DGKI: variants seen among roughly 807,000 people sequenced by gnomAD.
The protein encoded by DGKI is diacylglycerol kinase iota, also known as DAG kinase iota.
A neutral mutation model predicts 147.5 loss-of-function variants in DGKI; 55 were observed. The observed-to-expected ratio is 0.37, with a 90% confidence interval of 0.30 to 0.47. The LOEUF is 0.47. Among genes scored for constraint, DGKI ranks in the 20% least tolerant of loss-of-function variants. The pLI is 1.00. For missense variants in DGKI, 1,007 were observed against 1,323.8 expected, an observed-to-expected ratio of 0.76 and a Z score of 3.71; for synonymous variants, 469 against 477.1, an observed-to-expected ratio of 0.98 and a Z score of 0.22.
chr7:137,666,637 A>G (rs567753864), intron 3 of DGKI, among the ~76,000 whole-genome samples: 2 of 152,310 alleles, frequency 1.3e-5, no homozygotes, highest in South Asian at 4.1e-4. Context: ...GTCTAATCAA[A>G]TGATACTAAC....
chr7:137,466,859 T>C (rs1237377409), intron 25 of DGKI, 43 bp downstream of exon 25: 2 of 1,603,124 alleles, frequency 1.2e-6, no homozygotes, highest in Non-Finnish European at 1.7e-6. Context: ...CACATTAACT[T>C]GGGAATTTTT....
At chr7:137,655,109 C>T (rs1322504021) in intron 4 of DGKI, among the ~76,000 whole-genome samples, 1 of 152,068 alleles carries the variant, frequency 6.6e-6, no homozygotes, top group Non-Finnish European at 1.5e-5. Context: ...GCAGCTTAAA[C>T]TACCCAGCTG....
intron 29 of DGKI, among the ~76,000 whole-genome samples, chr7:137,411,020 C>A (rs1559544): frequency 0.027 from 4,168 of 152,276 alleles, 136 homozygotes; most frequent in East Asian, 0.1. Context: ...CATTTGTTTT[C>A]CTCTAGTAAC....
At chr7:137,778,846 A>G (rs1284860498) in intron 1 of DGKI, among the ~76,000 whole-genome samples, 2 of 152,172 alleles carry the variant, frequency 1.3e-5, no homozygotes, top group African/African-American at 4.8e-5. Context: ...TGTTAAATAG[A>G]GAGAAGTCAC....
chr7:137,470,324 G>A (rs1365967068), intron 23 of DGKI, among the ~76,000 whole-genome samples: 1 of 152,078 alleles, frequency 6.6e-6, no homozygotes, highest in Admixed American at 6.6e-5. Context: ...TTAACATCAA[G>A]TCTGCCTGAC....
rs1373566831 is a variant in DGKI, at chr7:137,448,822, G to A, written c.2736-4720C>T. 2.0e-5 allele frequency among the ~76,000 whole-genome samples: 3 copies of A among 152,156 alleles called. No individual in the cohort carries two copies. In the East Asian group the frequency reaches 5.8e-4, roughly 29 times the overall value. On this transcript the variant is annotated intron_variant, in intron 27 of 32. Coordinates refer to ENST00000614521, the MANE Select transcript of DGKI (RefSeq NM_001321708.2). ...GAAAAATGATCAAGAAATAGTTACA[G>A]GGAGGCAAAAAGAGCAAAAGTCTGC...
At chr7:137,529,819 G>A (rs528833686) in intron 20 of DGKI, among the ~76,000 whole-genome samples, 31 of 152,164 alleles carry the variant, frequency 2.0e-4, no homozygotes, top group African/African-American at 7.0e-4. Context: ...GCACGATCTC[G>A]GCTCTCTGCA....
At chr7:137,695,595 G>A (rs536907038) in intron 1 of DGKI, among the ~76,000 whole-genome samples, 1 of 152,216 alleles carries the variant, frequency 6.6e-6, no homozygotes, top group African/African-American at 2.4e-5. Context: ...ACAACACACA[G>A]GTAAGAAGAG....
chr7:137,704,101 C>T (rs1168902759), intron 1 of DGKI, among the ~76,000 whole-genome samples: 1 of 152,166 alleles, frequency 6.6e-6, no homozygotes, highest in Admixed American at 6.5e-5. Context: ...GTTCCAGCTA[C>T]TCAGGAGGCT....
At chr7:137,397,176 C>A (rs1354785658) in intron 31 of DGKI, among the ~76,000 whole-genome samples, 1 of 152,246 alleles carries the variant, frequency 6.6e-6, no homozygotes, top group Non-Finnish European at 1.5e-5. Flanking sequence ...TGGAGGCAAG[C>A]ATTATGACAA....
At chr7:137,700,433 C>G (rs1409733576) in intron 1 of DGKI, among the ~76,000 whole-genome samples, 1 of 152,160 alleles carries the variant, frequency 6.6e-6, no homozygotes, top group Non-Finnish European at 1.5e-5. Flanking sequence ...TAAATCTCAG[C>G]CTTTTTCATA....
intron 2 of DGKI, among the ~76,000 whole-genome samples, chr7:137,687,916 T>G (rs1199251481): frequency 6.6e-6 from 1 of 152,194 alleles, no homozygotes; most frequent in Admixed American, 6.5e-5. Context: ...AAAAGATCAC[T>G]AGGCACAAAC....
intron 4 of DGKI, among the ~76,000 whole-genome samples, chr7:137,655,403 T>A (rs1822183539): frequency 1.3e-5 from 2 of 152,168 alleles, no homozygotes. Context: ...TTTCACCGTG[T>A]TAGCCAGGAT....
At chr7:137,828,440 G>T (rs73729048) in intron 1 of DGKI, among the ~76,000 whole-genome samples, 3,164 of 152,124 alleles carry the variant, frequency 0.021, 112 homozygotes, top group African/African-American at 0.073. Flanking sequence ...TTTTTTTTAA[G>T]TACTTTTTCC....
intron 1 of DGKI, among the ~76,000 whole-genome samples, chr7:137,702,467 T>C (rs1824016660): frequency 6.6e-6 from 1 of 152,132 alleles, no homozygotes; most frequent in African/African-American, 2.4e-5. Context: ...ACAACGGCAA[T>C]AATGGGCAAA....
intron 1 of DGKI, among the ~76,000 whole-genome samples, chr7:137,794,488 C>T (rs1796964734): frequency 6.6e-6 from 1 of 152,220 alleles, no homozygotes; most frequent in Non-Finnish European, 1.5e-5. Context: ...AAGATGTAAA[C>T]ATGCTACAGG....
intron 1 of DGKI, among the ~76,000 whole-genome samples, chr7:137,718,728 G>T (rs1794458932): frequency 6.6e-6 from 1 of 152,178 alleles, no homozygotes; most frequent in Non-Finnish European, 1.5e-5. Flanking sequence ...GGATACACTA[G>T]CAGGTCTCTC....
intron 13 of DGKI, among the ~76,000 whole-genome samples, chr7:137,586,193 G>A (rs1328285218): frequency 6.6e-6 from 1 of 152,090 alleles, no homozygotes; most frequent in Admixed American, 6.5e-5. Context: ...TTGGGAGGCT[G>A]AGGCTGGTGG....
chr7:137,600,454 A>G (rs1043795803), intron 10 of DGKI, among the ~76,000 whole-genome samples: 3 of 152,156 alleles, frequency 2.0e-5, no homozygotes, highest in African/African-American at 7.2e-5. Flanking sequence ...TCTTTAACAC[A>G]GAGACAAGAA....
Sources: allele counts gnomAD v4.1 joint callset (sites outside exome capture counted in the v4.1 genomes callset), GRCh38; gene constraint gnomAD v4.1.1; transcripts MANE v1.5; gene names NCBI Gene and HGNC (gene_info 2026-07-23, HGNC 2026-07-21).